ELMO1: variants seen among roughly 807,000 people sequenced by gnomAD.
ELMO1 encodes the protein engulfment and cell motility 1.
ELMO1 carries 26 observed loss-of-function variants against 98.9 expected under a neutral mutation model. The observed-to-expected ratio is 0.26, with a 90% CI of 0.19 to 0.36. The LOEUF is 0.36. ELMO1 is among the 10% of genes least tolerant of loss of function. The pLI is 1.00. For missense variants in ELMO1, 627 were observed against 935.2 expected (o/e 0.67, Z 4.30); for synonymous variants, 346 against 346.0 (o/e 1.00, Z 0.00).
chr7:37,039,732 C>T (rs141961501), intron 15 of ELMO1, among the ~76,000 whole-genome samples: 99 of 152,188 alleles, frequency 6.5e-4, no homozygotes, highest in African/African-American at 2.2e-3. Context: ...TCCTAGCTAT[C>T]GACAATAAAT....
chr7:36,871,364 T>C (rs1803486280), intron 19 of ELMO1, among the ~76,000 whole-genome samples: 1 of 152,186 alleles, frequency 6.6e-6, no homozygotes, highest in Non-Finnish European at 1.5e-5. Flanking sequence ...AGGGAGACCC[T>C]GTCTCTACAA....
At chr7:37,042,112 C>A (rs550268739) in intron 15 of ELMO1, among the ~76,000 whole-genome samples, 3 of 147,572 alleles carry the variant, frequency 2.0e-5, no homozygotes, top group Admixed American at 1.4e-4. Flanking sequence ...GGAAAAACCC[C>A]GTCTCTACGA....
chr7:37,114,788 T>C (rs545360215), intron 14 of ELMO1, among the ~76,000 whole-genome samples: 6 of 151,896 alleles, frequency 4.0e-5, no homozygotes, highest in African/African-American at 1.4e-4. Flanking sequence ...AATTGAAAAC[T>C]GGAAAGCAAT....
chr7:37,126,065 C>T (rs1786486509), intron 14 of ELMO1, among the ~76,000 whole-genome samples: 1 of 151,856 alleles, frequency 6.6e-6, no homozygotes, highest in African/African-American at 2.4e-5. Flanking sequence ...CCAAACATCG[C>T]ATGTTCTCAC....
At chr7:37,207,202 G>A (rs1792681527) in intron 13 of ELMO1, among the ~76,000 whole-genome samples, 1 of 152,184 alleles carries the variant, frequency 6.6e-6, no homozygotes, top group Non-Finnish European at 1.5e-5. Flanking sequence ...GTGAGAGTCT[G>A]CCTTCCATTA....
chr7:37,279,810 G>A (rs1488752653), intron 4 of ELMO1, among the ~76,000 whole-genome samples: 2 of 152,154 alleles, frequency 1.3e-5, no homozygotes, highest in Non-Finnish European at 2.9e-5. Flanking sequence ...TTGTATGGTG[G>A]GAGTGAGACT....
At chr7:37,371,428 T>C (rs1182031460) in intron 1 of ELMO1, among the ~76,000 whole-genome samples, 1 of 152,226 alleles carries the variant, frequency 6.6e-6, no homozygotes, top group East Asian at 1.9e-4. Context: ...ATCATATACT[T>C]AATAAAGGTT....
At chr7:36,928,592 C>T (rs915481120) in intron 16 of ELMO1, among the ~76,000 whole-genome samples, 1 of 152,198 alleles carries the variant, frequency 6.6e-6, no homozygotes, top group Admixed American at 6.5e-5. Context: ...AGAGATAACA[C>T]CAACCCCTAT....
intron 15 of ELMO1, among the ~76,000 whole-genome samples, chr7:37,047,542 A>G (rs1795864481): frequency 6.6e-6 from 1 of 152,202 alleles, no homozygotes; most frequent in East Asian, 1.9e-4. Context: ...CAATACATTA[A>G]CATTCCAGAT....
At chr7:36,938,358 G>T (rs1406805974) in intron 16 of ELMO1, among the ~76,000 whole-genome samples, 3 of 152,154 alleles carry the variant, frequency 2.0e-5, no homozygotes, top group East Asian at 3.8e-4. Context: ...ACCACATGTG[G>T]GTGGGTCAAC....
At chr7:37,243,294 T>A (rs73110804) in intron 7 of ELMO1, among the ~76,000 whole-genome samples, 10,393 of 152,208 alleles carry the variant, frequency 0.068, 469 homozygotes, top group African/African-American at 0.12. Context: ...AGAAAGTAAG[T>A]TTGAATCCCA....
chr7:36,877,077 CTG>C (rs937458471), intron 19 of ELMO1, among the ~76,000 whole-genome samples: 2 of 152,158 alleles, frequency 1.3e-5, no homozygotes, highest in Non-Finnish European at 2.9e-5. Flanking sequence ...TGGCCGTGAG[CTG>C]TGAGGAAGGT....
intron 14 of ELMO1, among the ~76,000 whole-genome samples, chr7:37,101,264 T>G (rs1285681532): frequency 6.6e-6 from 1 of 152,200 alleles, no homozygotes; most frequent in Non-Finnish European, 1.5e-5. Context: ...TCCCATGTGC[T>G]GCTGTTTAAG....
At chr7:37,120,198 A>G (rs1225251591) in intron 14 of ELMO1, among the ~76,000 whole-genome samples, 1 of 152,206 alleles carries the variant, frequency 6.6e-6, no homozygotes, top group African/African-American at 2.4e-5. Context: ...TCCAGTCTAC[A>G]GCTCCCAGCG....
At chr7:36,896,198 T>G (rs1470052702) in intron 16 of ELMO1, among the ~76,000 whole-genome samples, 3 of 152,078 alleles carry the variant, frequency 2.0e-5, no homozygotes. Flanking sequence ...TCCAATACAG[T>G]GGAGGAGGTG....
chr7:37,329,593 A>T (rs958699377), intron 2 of ELMO1, among the ~76,000 whole-genome samples: 9 of 152,272 alleles, frequency 5.9e-5, no homozygotes, highest in African/African-American at 2.2e-4. Flanking sequence ...CCCGAAGGAA[A>T]TATGAAAGGA....
At chr7:37,012,541 T>C (rs769982997) in intron 16 of ELMO1, among the ~76,000 whole-genome samples, 2 of 152,222 alleles carry the variant, frequency 1.3e-5, no homozygotes, top group Non-Finnish European at 2.9e-5. Flanking sequence ...ATAGTTATTA[T>C]TGCTAATCAG....
intron 16 of ELMO1, among the ~76,000 whole-genome samples, chr7:36,922,483 T>A (rs901055970): frequency 2.0e-5 from 3 of 152,210 alleles, no homozygotes; most frequent in African/African-American, 7.2e-5. Context: ...GTCATTTTTT[T>A]ATTTTGGCCA....
chr7:37,122,340 G>C (rs1786121483), intron 14 of ELMO1, among the ~76,000 whole-genome samples: 1 of 152,106 alleles, frequency 6.6e-6, no homozygotes, highest in Admixed American at 6.5e-5. Flanking sequence ...ACACAGACTG[G>C]CAAATTGGAT....
Sources: allele counts gnomAD v4.1 joint callset (sites outside exome capture counted in the v4.1 genomes callset), GRCh38; gene constraint gnomAD v4.1.1; transcripts MANE v1.5; gene names NCBI Gene and HGNC (gene_info 2026-07-23, HGNC 2026-07-21).